Variants in TONSL observed in about 807,000 individuals in gnomAD.
TONSL encodes the protein tonsoku-like protein.
In TONSL, 112 loss-of-function variants were observed where a neutral mutation model predicts 147.1. That is an observed-to-expected ratio of 0.76 (90% CI 0.65 to 0.89). The LOEUF (loss-of-function observed/expected upper bound fraction) is 0.89, where lower values mean the gene tolerates loss of function less well. Ranked by LOEUF, TONSL falls within the 40% of genes least tolerant of loss-of-function variation. The probability of loss-of-function intolerance (pLI) is 0.00; values close to 1 mark genes in which losing one functional copy is unlikely to be tolerated. For synonymous variants in TONSL, 868 were observed against 801.5 expected (o/e 1.08, Z -1.40); for missense variants, 1,883 against 1,864.6 (o/e 1.01, Z -0.18).
At position 144,442,665 on chromosome 8, in the gene TONSL, G is replaced by A. The variant is rs774994174; in HGVS notation, c.578+12C>T. 6.2e-7 allele frequency: 1 copy of A among 1,610,956 alleles called. No homozygotes were observed. The highest frequency in any genetic ancestry group is 1.7e-5 in the Admixed American group (1 of 59,710). On this transcript the variant is annotated intron_variant, in intron 5 of 25. Coordinates refer to ENST00000409379, the MANE Select transcript of TONSL (RefSeq NM_013432.5). The stretch of plus-strand genomic sequence containing the variant: ...GGACTCCACTCCCTCCTGGGGCGGG[G>A]CAGGGCCTTACTCCGCAAGGAAGAT...
intron 4 of TONSL, 41 bp downstream of exon 4, chr8:144,443,097 C>A: frequency 6.5e-7 from 1 of 1,536,024 alleles, no homozygotes; most frequent in South Asian, 1.2e-5. Context: ...CCTCTTCGGC[C>A]CGAAGTTCAG....
At position 144,432,319 on chromosome 8, in the gene TONSL, T is replaced by C; in HGVS notation, c.3701A>G (p.Asp1234Gly). 1.2e-6 allele frequency: 2 copies of C among 1,613,638 alleles called. No individual in the cohort carries two copies. Among genetic ancestry groups the C allele is most frequent in the East Asian group, 2.2e-5 (1 of 44,840 alleles). Residue 1234 changes from aspartate (D) to glycine (G), a missense_variant, in exon 23 of 26, where the codon GAC (aspartate) becomes GGC (glycine). Transcript: ENST00000409379. The stretch of plus-strand genomic sequence containing the variant: ...GTATCGGAATACAGGCTCCATGAGG[T>C]CCGAATCACCCTTGCCGGCTGCCAC... ...SSVAAGKGDS[D>G]LMEPVFRYLA...
chr8:144,428,807 TG>T lies in TONSL; in HGVS notation c.*335del. 1 of 195,128 alleles carries T rather than the reference TG, an allele frequency of 5.1e-6. No individual in the cohort carries two copies. Among genetic ancestry groups the T allele is most frequent in the Non-Finnish European group, 1.0e-5 (1 of 95,818 alleles). 12.1% of individuals were successfully genotyped at this position (195,128 alleles called of 1,614,324 possible). A position where few individuals can be genotyped will look rare whatever the true frequency, so the allele number is the denominator to read the frequency against. ...CATTTATTTTATTTTTTTTTTTTTT[TG>T]AGACGGAGTCTCGGTCTGTCGCCCA... On this transcript the variant is annotated 3_prime_UTR_variant, in exon 26 of 26. Transcript: ENST00000409379.
intron 20 of TONSL, 53 bp downstream of exon 20, chr8:144,434,758 C>T: frequency 6.3e-7 from 1 of 1,578,292 alleles, no homozygotes; most frequent in Non-Finnish European, 8.6e-7. Flanking sequence ...AGCCTGTGTG[C>T]CCAACCCCCT....
intron 22 of TONSL, 23 bp from the exon 23 acceptor site, chr8:144,432,483 C>T (rs377263580): frequency 6.6e-7 from 1 of 1,519,602 alleles, no homozygotes; most frequent in Non-Finnish European, 8.8e-7. Context: ...CAGAATCCGT[C>T]AGCCCCACGT....
chr8:144,430,634 C>G, intron 24 of TONSL, 97 bp from the exon 25 acceptor site: 1 of 1,436,912 alleles, frequency 7.0e-7, no homozygotes, highest in Non-Finnish European at 9.3e-7. Context: ...CTCAGGGAGC[C>G]TCGGGCCAGA....
chr8:144,429,601 T>C (rs996612342), intron 25 of TONSL, among the ~76,000 whole-genome samples: 1 of 152,072 alleles, frequency 6.6e-6, no homozygotes, highest in African/African-American at 2.4e-5. Context: ...TACACGTCAG[T>C]CTCCCCACCC....
At position 144,435,874 on chromosome 8, in the gene TONSL, A is replaced by G. The variant is rs1823429374; in HGVS notation, c.2559T>C (p.Thr853=). ...TACTACTGGGCCTGCGGTTGTCTCC[A>G]GTGCCCCGGGGGCGGGGCCGGCGGC... is the stretch of plus-strand genomic sequence containing the variant. ...TRSRRPRPRG[T]GDNRRPSSTS... Residue 853 remains threonine, a synonymous_variant, in exon 17 of 26, where the codon ACT becomes ACC. Transcript: ENST00000409379. The G allele has an allele frequency of 2.5e-6, 4 of 1,599,630 alleles. No homozygotes were observed. The highest frequency in any genetic ancestry group is 3.4e-6 in the Non-Finnish European group (4 of 1,170,834).
chr8:144,440,511 C>G (rs760314796), intron 9 of TONSL, 35 bp from the exon 10 acceptor site: 1 of 1,562,768 alleles, frequency 6.4e-7, no homozygotes, highest in Non-Finnish European at 8.7e-7. Context: ...CGGGGGCTGC[C>G]GCTGTCTGCG....
chr8:144,438,375 T>C lies in TONSL; in HGVS notation c.1653+96A>G, dbSNP rs1186857372. On this transcript the variant is annotated intron_variant, in intron 13 of 25. Coordinates refer to ENST00000409379, the MANE Select transcript of TONSL (RefSeq NM_013432.5). ...TTGCTAAGGGGCCCCATTTTGAAGA[T>C]GAGGAAGTTGAGAGTTACAGAGATA... 1.9e-5 allele frequency: 25 copies of C among 1,343,222 alleles called. No individual in the cohort carries two copies. In the South Asian group the frequency reaches 3.0e-4, roughly 16 times the overall value. The allele number at this position is 1,343,222 out of a possible 1,614,324, so 83.2% of individuals were successfully genotyped here.
Position 144,429,004 on chromosome 8 carries a change from T to C in TONSL, c.*139A>G. Reference sequence around the variant, plus strand: ...CGGGGTTTCACCATGTTAGCCAGGATGGTCTCGATCTCCTGACCTCGTGAT... The same window carrying C: ...CGGGGTTTCACCATGTTAGCCAGGACGGTCTCGATCTCCTGACCTCGTGAT... On this transcript the variant is annotated 3_prime_UTR_variant, in exon 26 of 26. Transcript: ENST00000409379. 1 of 957,348 alleles carries C rather than the reference T, an allele frequency of 1.0e-6. No homozygotes were observed. The highest frequency in any genetic ancestry group is 1.5e-6 in the Non-Finnish European group (1 of 682,814). 59.3% of individuals were successfully genotyped at this position (957,348 alleles called of 1,614,324 possible).
intron 3 of TONSL, among the ~76,000 whole-genome samples, chr8:144,443,561 C>CGG (rs144873244): frequency 8.5e-5 from 13 of 152,128 alleles, no homozygotes; most frequent in African/African-American, 3.1e-4. Context: ...TGGGAGTTGG[C>CGG]GGGGGGGTTG....
rs1203075456 is a variant in TONSL at position 144,444,230 on chromosome 8, C to T, written c.71G>A (p.Arg24His). 6.9e-7 allele frequency: 1 copy of T among 1,457,860 alleles called. No individual in the cohort carries two copies. Among genetic ancestry groups the T allele is most frequent in the South Asian group, 1.3e-5 (1 of 75,880 alleles). 90.3% of individuals were successfully genotyped at this position (1,457,860 alleles called of 1,614,324 possible). The change falls in exon 2 of 26, where the codon CGC becomes CAC. Residue 24 changes from arginine to histidine, a missense_variant. Arg to His is a conservative substitution (Grantham distance 29). Coordinates refer to ENST00000409379, the MANE Select transcript of TONSL (RefSeq NM_013432.5). ...KAKAQRAGQR[R>H]EEAALCHQLG... ...CTGGTGGCACAGCGCGGCCTCTTCGCGCCGCTGCCCGGCCCTCTGCGCCTT... is the reference window on the plus strand; with the variant it reads ...CTGGTGGCACAGCGCGGCCTCTTCGTGCCGCTGCCCGGCCCTCTGCGCCTT...
At chr8:144,438,089 C>A in intron 13 of TONSL, 1 of 247,410 alleles carries the variant, frequency 4.0e-6, no homozygotes, top group Non-Finnish European at 7.9e-6. Flanking sequence ...TTCTTGGAGA[C>A]AAGGTCTTGC....
rs554403654 is a variant in TONSL, at chr8:144,438,695, G to A, written c.1521C>T (p.Asp507=). The A allele has an allele frequency of 4.3e-5, 70 of 1,613,242 alleles. No individual in the cohort carries two copies. The highest frequency in any genetic ancestry group is 9.3e-5 in the African/African-American group (7 of 75,016). The part of the protein sequence containing the change: ...TDGLTPQLEE[D]EELQGHLGRR... ...GGCCCAGGTGGCCCTGAAGCTCCTC[G>A]TCCTCCTCCAGCTGCGGGGTCAGGC... Residue 507 remains aspartate (D), a synonymous_variant, in exon 12 of 26, where the codon GAC becomes GAT. Transcript: ENST00000409379.
rs543003044 is a variant in TONSL at position 144,437,902 on chromosome 8, G to A, written c.1653+569C>T. ...ATTATAGACATAAGCCACTGTACCC[G>A]GCCTGTGGCTTTTCTTCTGAGACAG... is the stretch of plus-strand genomic sequence containing the variant. On this transcript the variant is annotated intron_variant, in intron 13 of 25. Transcript: ENST00000409379. Among the ~76,000 whole-genome samples the A allele has an allele frequency of 4.6e-5, 7 of 152,106 alleles. No homozygotes were observed. The East Asian group carries it at 5.8e-4, about 13-fold the overall frequency.
chr8:144,429,134 G>A lies in TONSL; in HGVS notation c.*9C>T. ...GCTTCGGTGAGGGTGGGGAAAGGCAGCGCCAGGGTCAGAGGCGCCGAAAGA... is the reference window on the plus strand; with the variant it reads ...GCTTCGGTGAGGGTGGGGAAAGGCAACGCCAGGGTCAGAGGCGCCGAAAGA... On this transcript the variant is annotated 3_prime_UTR_variant, in exon 26 of 26. Coordinates refer to ENST00000409379, the MANE Select transcript of TONSL (RefSeq NM_013432.5). The A allele has an allele frequency of 6.6e-7, 1 of 1,517,016 alleles. No homozygotes were observed. The highest frequency in any genetic ancestry group is 8.8e-7 in the Non-Finnish European group (1 of 1,137,750). 94.0% of individuals were successfully genotyped at this position (1,517,016 alleles called of 1,614,324 possible). A position where few individuals can be genotyped will look rare whatever the true frequency, so the allele number is the denominator to read the frequency against.
Position 144,432,303 on chromosome 8 carries a change from T to A in TONSL, c.3717A>T (p.Val1239=), listed in dbSNP as rs782691076. ...GKGDSDLMEP[V]FRYLAKEGCA... ...CTCGTACCTTGGCCAGGTATCGGAATACAGGCTCCATGAGGTCCGAATCAC... is the reference window on the plus strand; with the variant it reads ...CTCGTACCTTGGCCAGGTATCGGAAAACAGGCTCCATGAGGTCCGAATCAC... The change falls in exon 23 of 26, where the codon GTA becomes GTT. Residue 1239 remains valine, a synonymous_variant. Coordinates refer to ENST00000409379, the MANE Select transcript of TONSL (RefSeq NM_013432.5). The A allele has an allele frequency of 2.0e-5, 33 of 1,613,698 alleles. No homozygotes were observed. Among genetic ancestry groups the A allele is most frequent in the Admixed American group, 6.7e-5 (4 of 59,990 alleles).
chr8:144,440,103 A>G lies in TONSL; in HGVS notation c.1398T>C (p.Asp466=), dbSNP rs752284925. The change falls in exon 11 of 26, where the codon GAT becomes GAC. Residue 466 remains aspartate, a synonymous_variant. Coordinates refer to ENST00000409379, the MANE Select transcript of TONSL (RefSeq NM_013432.5). ...CCGCCTCCTCCGCCTCCTCCTCCTC[A>G]TCTTCATCTTCAGCTACACTGAGCT... ...LRELSVAEDE[D]EEEEAEEAAA... 1.5e-5 allele frequency: 24 copies of G among 1,610,344 alleles called. No homozygotes were observed. Among genetic ancestry groups the G allele is most frequent in the Non-Finnish European group, 2.0e-5 (23 of 1,178,698 alleles).
Sources: gnomAD v4.1 joint callset for allele counts (sites outside exome capture counted in the v4.1 genomes callset) on GRCh38, gnomAD v4.1.1 for gene constraint, MANE v1.5 for transcripts, NCBI Gene and HGNC (gene_info 2026-07-23, HGNC 2026-07-21) for gene names.